The following NOS1AP variants were observed in gnomAD, a reference collection of about 807,000 sequenced individuals.
NOS1AP encodes the protein nitric oxide synthase 1 adaptor protein, also known as carboxyl-terminal PDZ ligand of neuronal nitric oxide synthase protein.
Under a neutral mutation model 56.2 loss-of-function variants are expected in NOS1AP, and 21 were observed. The observed-to-expected ratio is 0.37, with a 90% CI of 0.26 to 0.54. NOS1AP has a LOEUF of 0.54. NOS1AP is among the 20% of genes least tolerant of loss of function. NOS1AP has a pLI of 0.84. For missense variants in NOS1AP, 522 were observed against 657.8 expected, an observed-to-expected ratio of 0.79 and a Z score of 2.26; for synonymous variants, 270 against 274.6, an observed-to-expected ratio of 0.98 and a Z score of 0.17.
At chr1:162,287,531 T>C (rs1655126856) in intron 3 of NOS1AP, 95 bp downstream of exon 3, 1 of 832,204 alleles carries the variant, frequency 1.2e-6, no homozygotes, top group East Asian at 2.4e-5. Flanking sequence ...CCAGAGAGAA[T>C]CCCTCCCTTA....
chr1:162,322,512 A>G (rs1656455153), intron 4 of NOS1AP, among the ~76,000 whole-genome samples: 1 of 152,190 alleles, frequency 6.6e-6, no homozygotes, highest in African/African-American at 2.4e-5. Context: ...AGTCAGGTAC[A>G]GAGGGAGTTA....
At chr1:162,271,456 T>C (rs992716894) in intron 2 of NOS1AP, among the ~76,000 whole-genome samples, 1 of 152,198 alleles carries the variant, frequency 6.6e-6, no homozygotes, top group Non-Finnish European at 1.5e-5. Flanking sequence ...ATAATAGATA[T>C]GAAAGTGCTC....
chr1:162,169,851 C>T (rs1650679255), intron 2 of NOS1AP, among the ~76,000 whole-genome samples: 1 of 152,202 alleles, frequency 6.6e-6, no homozygotes, highest in Non-Finnish European at 1.5e-5. Flanking sequence ...ATGCAGAAAC[C>T]CAGTTCTCTG....
chr1:162,156,904 G>A (rs766447944), intron 2 of NOS1AP, among the ~76,000 whole-genome samples: 1 of 152,136 alleles, frequency 6.6e-6, no homozygotes, highest in Non-Finnish European at 1.5e-5. Context: ...TCATATTCAG[G>A]ACCGTGCTGG....
intron 1 of NOS1AP, among the ~76,000 whole-genome samples, chr1:162,145,331 A>G (rs1649416159): frequency 6.6e-6 from 1 of 152,176 alleles, no homozygotes; most frequent in South Asian, 2.1e-4. Flanking sequence ...AAATGTCCAC[A>G]TGGGCGCTTT....
chr1:162,333,370 G>A (rs1158444694), intron 5 of NOS1AP, among the ~76,000 whole-genome samples: 1 of 152,190 alleles, frequency 6.6e-6, no homozygotes, highest in African/African-American at 2.4e-5. Context: ...GATGAGAGCA[G>A]TTAAACAGCA....
chr1:162,278,657 C>G (rs1654820241), intron 2 of NOS1AP, among the ~76,000 whole-genome samples: 1 of 143,978 alleles, frequency 6.9e-6, no homozygotes, highest in African/African-American at 2.6e-5. Flanking sequence ...AACGTTTACT[C>G]CTTCTACGTG....
intron 2 of NOS1AP, among the ~76,000 whole-genome samples, chr1:162,272,092 A>T (rs536842422): frequency 6.6e-6 from 1 of 151,960 alleles, no homozygotes; most frequent in African/African-American, 2.4e-5. Flanking sequence ...GCCTCAGGCA[A>T]TCCTCCACCT....
intron 1 of NOS1AP, among the ~76,000 whole-genome samples, chr1:162,096,023 G>A (rs1436841029): frequency 6.6e-6 from 1 of 152,160 alleles, no homozygotes; most frequent in African/African-American, 2.4e-5. Context: ...GTGAGTATAA[G>A]TTAATATTCT....
intron 1 of NOS1AP, among the ~76,000 whole-genome samples, chr1:162,101,075 A>G (rs1388834569): frequency 1.3e-5 from 2 of 152,134 alleles, no homozygotes; most frequent in Non-Finnish European, 2.9e-5. Context: ...TTTGAGTTTT[A>G]GATTTAAGTC....
intron 2 of NOS1AP, among the ~76,000 whole-genome samples, chr1:162,189,794 T>C (rs926738644): frequency 1.3e-5 from 2 of 152,176 alleles, no homozygotes; most frequent in Non-Finnish European, 2.9e-5. Context: ...GGGGCTACTT[T>C]GAAAGTGTCT....
At chr1:162,201,646 A>T (rs779097507) in intron 2 of NOS1AP, among the ~76,000 whole-genome samples, 37 of 152,080 alleles carry the variant, frequency 2.4e-4, no homozygotes, top group Non-Finnish European at 5.0e-4. Flanking sequence ...AGCCATTCTG[A>T]CTGGTGTTAG....
rs1553200072 is a variant in NOS1AP at position 162,261,507 on chromosome 1, A to AAGAGAAGAGAG, written c.178-25837_178-25836insAGAGAAGAGAG. Among the ~76,000 whole-genome samples the AAGAGAAGAGAG allele has an allele frequency of 4.3e-4, 8 of 18,420 alleles. 1 individual carries two copies. Among genetic ancestry groups the AAGAGAAGAGAG allele is most frequent in the African/African-American group, 1.6e-3 (6 of 3,798 alleles). 12.1% of individuals were successfully genotyped at this position (18,420 alleles called of 152,430 possible). ...GAGAGAGAGAGAGAGAGAGAGAGAG[A>AAGAGAAGAGAG]GAGAGAGAGAGAGAGAGAGAGAGAG... On this transcript the variant is annotated intron_variant, in intron 2 of 9. Coordinates refer to ENST00000361897, the MANE Select transcript of NOS1AP (RefSeq NM_014697.3).
chr1:162,225,923 T>A (rs1652926385), intron 2 of NOS1AP, among the ~76,000 whole-genome samples: 1 of 152,234 alleles, frequency 6.6e-6, no homozygotes, highest in Non-Finnish European at 1.5e-5. Flanking sequence ...AACAAATTAA[T>A]TTTATGTTAA....
chr1:162,143,580 G>A (rs563910525), intron 1 of NOS1AP, among the ~76,000 whole-genome samples: 1 of 152,044 alleles, frequency 6.6e-6, no homozygotes, highest in Non-Finnish European at 1.5e-5. Context: ...ATGGCCTCCT[G>A]ATTAGCTGGC....
At chr1:162,312,200 C>T (rs1174981542) in intron 4 of NOS1AP, among the ~76,000 whole-genome samples, 1 of 145,826 alleles carries the variant, frequency 6.9e-6, no homozygotes, top group Non-Finnish European at 1.5e-5. Context: ...GTCCCACCAA[C>T]AGTGTAAAAG....
At chr1:162,323,397 G>T (rs977578012) in intron 4 of NOS1AP, among the ~76,000 whole-genome samples, 1 of 152,210 alleles carries the variant, frequency 6.6e-6, no homozygotes, top group Non-Finnish European at 1.5e-5. Context: ...TAAGCTATCC[G>T]ACTTGTAATA....
chr1:162,279,907 A>G (rs6659953), intron 2 of NOS1AP, among the ~76,000 whole-genome samples: 83,593 of 152,026 alleles, frequency 0.55, 24,770 homozygotes, highest in East Asian at 0.96. Context: ...TGAACCTGGG[A>G]AGTCTCTTAT....
chr1:162,329,216 A>T (rs982824746), intron 4 of NOS1AP, among the ~76,000 whole-genome samples: 1 of 152,186 alleles, frequency 6.6e-6, no homozygotes, highest in African/African-American at 2.4e-5. Flanking sequence ...AATGCTATAC[A>T]TATTTTGAAA....
Sources: gnomAD v4.1 joint callset for allele counts (sites outside exome capture counted in the v4.1 genomes callset) on GRCh38, gnomAD v4.1.1 for gene constraint, MANE v1.5 for transcripts, NCBI Gene and HGNC (gene_info 2026-07-23, HGNC 2026-07-21) for gene names.